The following CHRNB4 variants were observed in gnomAD, a reference collection of about 807,000 sequenced individuals.
CHRNB4 encodes neuronal acetylcholine receptor subunit beta-4.
CHRNB4 carries 23 observed loss-of-function variants against 40.4 expected under a neutral mutation model. The ratio of observed to expected loss-of-function variants is 0.57; its 90% CI spans 0.41 to 0.81. The LOEUF (loss-of-function observed/expected upper bound fraction) is 0.81, where lower values mean the gene tolerates loss of function less well. Among genes scored for constraint, CHRNB4 ranks in the 30% least tolerant of loss-of-function variants. The pLI is 0.00. For synonymous variants in CHRNB4, 285 were observed against 274.4 expected, an observed-to-expected ratio of 1.04 and a Z score of -0.38; for missense variants, 568 against 670.6, an observed-to-expected ratio of 0.85 and a Z score of 1.69.
At chr15:78,645,663 T>TAC (rs1424135584), upstream of CHRNB4, among the ~76,000 whole-genome samples, 1 of 152,074 alleles carries the variant, frequency 6.6e-6, no homozygotes, top group Non-Finnish European at 1.5e-5. Flanking sequence ...CTCACCCTCT[T>TAC]ACCTTGCTTC....
intron 1 of CHRNB4, among the ~76,000 whole-genome samples, chr15:78,639,171 G>T (rs1385513083): frequency 6.6e-6 from 1 of 152,196 alleles, no homozygotes; most frequent in Non-Finnish European, 1.5e-5. Flanking sequence ...ACTACAGAAA[G>T]TAACAGTTAA....
chr15:78,631,057 C>T lies in CHRNB4; in HGVS notation c.359+19G>A. The T allele has an allele frequency of 6.2e-7, 1 of 1,606,696 alleles. No homozygotes were observed. Among genetic ancestry groups the T allele is most frequent in the South Asian group, 1.1e-5 (1 of 90,878 alleles). On this transcript the variant is annotated intron_variant, in intron 4 of 5. Coordinates refer to ENST00000261751, the MANE Select transcript of CHRNB4 (RefSeq NM_000750.5). ...CCTGGCCTGGCTGTCACCAGGCCTC[C>T]ACCAACCCTGCCACTCACTTGTTGT...
At chr15:78,643,091 A>C (rs926411159), upstream of CHRNB4, among the ~76,000 whole-genome samples, 1 of 149,206 alleles carries the variant, frequency 6.7e-6, no homozygotes. Context: ...AAAACCAAAT[A>C]AATGTTAGCT....
intron 6 of CHRNB4, chr15:78,652,449 T>A (rs185128667): frequency 6.6e-6 from 1 of 152,470 alleles, no homozygotes; most frequent in Non-Finnish European, 1.5e-5. Flanking sequence ...TGAGGCCTTG[T>A]GGAGTGCAGC....
chr15:78,648,708 G>A (rs1228509665), intron 7 of CHRNB4, among the ~76,000 whole-genome samples: 4 of 146,592 alleles, frequency 2.7e-5, no homozygotes, highest in South Asian at 2.2e-4. Flanking sequence ...AGCCAAGATC[G>A]GCGCCACTGC....
At chr15:78,660,993 T>C (rs1023580222), upstream of CHRNB4, 3 of 480,468 alleles carry the variant, frequency 6.2e-6, no homozygotes, top group African/African-American at 7.7e-5. Context: ...CTTTCCTCTC[T>C]TTCTCTCTTC....
upstream of CHRNB4, among the ~76,000 whole-genome samples, chr15:78,643,113 T>C (rs998984229): frequency 2.0e-5 from 3 of 152,012 alleles, no homozygotes; most frequent in Non-Finnish European, 4.4e-5. Flanking sequence ...TTAACTTTTA[T>C]GAACATGGAT....
chr15:78,645,809 C>T (rs1485311287), upstream of CHRNB4, among the ~76,000 whole-genome samples: 2 of 151,980 alleles, frequency 1.3e-5, no homozygotes, highest in East Asian at 3.9e-4. Context: ...CCTGTAATCC[C>T]AGCACTTTGG....
chr15:78,642,448 C>A (rs2054088487), upstream of CHRNB4, among the ~76,000 whole-genome samples: 1 of 152,208 alleles, frequency 6.6e-6, no homozygotes, highest in Non-Finnish European at 1.5e-5. Flanking sequence ...CTTTGGAAAC[C>A]AAAGACAGTG....
rs2053626281 is a variant in CHRNB4 at position 78,625,262 on chromosome 15, C to T, written c.1368G>A (p.Met456Ile). The change falls in exon 6 of 6, where the codon ATG (methionine) becomes ATA (isoleucine). Residue 456 changes from methionine to isoleucine, a missense_variant. Physicochemically the swap from Met to Ile is conservative, Grantham distance 10. Around this residue, in one of 4 missense-constraint regions of CHRNB4, gnomAD observed 242 missense variants for 274.9 expected, o/e 0.88. Coordinates refer to ENST00000261751, the MANE Select transcript of CHRNB4 (RefSeq NM_000750.5). ...SVVEDWKYVA[M>I]VVDRLFLWVF... ...CCCACAGGAACAGCCGGTCCACCAC[C>T]ATAGCCACGTACTTCCAGTCCTCAA... is the stretch of plus-strand genomic sequence containing the variant. The T allele has an allele frequency of 6.4e-7, 1 of 1,553,492 alleles. No homozygotes were observed. The highest frequency in any genetic ancestry group is 1.4e-5 in the African/African-American group (1 of 72,846).
intron 1 of CHRNB4, 121 bp downstream of exon 1, chr15:78,640,958 G>T: frequency 8.6e-7 from 1 of 1,166,706 alleles, no homozygotes; most frequent in South Asian, 1.4e-5. Context: ...CATCTGGCCG[G>T]GACAATCTCG....
intron 6 of CHRNB4, among the ~76,000 whole-genome samples, chr15:78,650,237 G>A (rs2054161227): frequency 6.6e-6 from 1 of 152,232 alleles, no homozygotes; most frequent in Non-Finnish European, 1.5e-5. Flanking sequence ...GGTGAGCCTA[G>A]TTGGCTCCAC....
At chr15:78,653,345 A>G (rs1295309288) in intron 5 of CHRNB4, among the ~76,000 whole-genome samples, 1 of 152,140 alleles carries the variant, frequency 6.6e-6, no homozygotes, top group Non-Finnish European at 1.5e-5. Context: ...CTTCCTGCTA[A>G]TCAGAAGCAT....
intron 1 of CHRNB4, among the ~76,000 whole-genome samples, chr15:78,660,081 C>G (rs1010412854): frequency 1.3e-5 from 2 of 152,036 alleles, no homozygotes; most frequent in African/African-American, 2.4e-5. Context: ...TTGGTGTGCA[C>G]CTGTAATCCC....
rs528065159 is a variant in CHRNB4 at position 78,633,146 on chromosome 15, C to CT, written c.205-1815_205-1814insA. Among the ~76,000 whole-genome samples the CT allele has an allele frequency of 3.6e-3, 553 of 152,292 alleles. 5 individuals carry two copies. Among genetic ancestry groups the CT allele is most frequent in the African/African-American group, 0.013 (531 of 41,550 alleles). On this transcript the variant is annotated intron_variant, in intron 2 of 5. Coordinates refer to ENST00000261751, the MANE Select transcript of CHRNB4 (RefSeq NM_000750.5). ...ATAAGTCTTGTGTTCTCAGTCTGTA[C>CT]AATTTTGGTGCCTCTCCTTTATCAA... is the stretch of plus-strand genomic sequence containing the variant.
At position 78,638,620 on chromosome 15, in the gene CHRNB4, CG is replaced by C. The variant is rs531429007; in HGVS notation, c.55+2458del. 9.8e-5 allele frequency among the ~76,000 whole-genome samples: 7 copies of C among 71,130 alleles called. No individual in the cohort carries two copies. The South Asian group carries it at 2.1e-3, about 21-fold the overall frequency. 46.7% of individuals were successfully genotyped at this position (71,130 alleles called of 152,430 possible). ...GTGTTTGTACTTGTGAGTGTATGGCCGGGGGGCCGGGGGGGTGGTGCACTGA... is the reference window on the plus strand; with the variant it reads ...GTGTTTGTACTTGTGAGTGTATGGCCGGGGGCCGGGGGGGTGGTGCACTGA... On this transcript the variant is annotated intron_variant, in intron 1 of 5. Coordinates refer to ENST00000261751, the MANE Select transcript of CHRNB4 (RefSeq NM_000750.5).
In CHRNB4 at chr15:78,641,121, G is replaced by T. The variant is rs781453408; in HGVS notation, c.13C>A (p.Pro5Thr). 3.8e-6 allele frequency: 6 copies of T among 1,574,794 alleles called. No homozygotes were observed. In the East Asian group the frequency reaches 1.4e-4, roughly 37 times the overall value. The change falls in exon 1 of 6, where the codon CCT becomes ACT. Residue 5 changes from proline (P) to threonine (T), a missense_variant. Physicochemically the swap from Pro to Thr is conservative, Grantham distance 38. Around this residue, in one of 4 missense-constraint regions of CHRNB4, gnomAD observed 161 missense variants for 148.1 expected, o/e 1.09. Transcript: ENST00000261751. MRRA[P>T]SLVLFFLVAL... ...ACCAGGAAGAAAAGGACCAGGGAAG[G>T]CGCGCGCCTCATGGCCGGCGGGGCC...
intron 7 of CHRNB4, among the ~76,000 whole-genome samples, chr15:78,647,618 G>A (rs191989163): frequency 3.2e-4 from 48 of 150,588 alleles, no homozygotes; most frequent in African/African-American, 8.5e-4. Context: ...AGGCCAAGGC[G>A]GGCAGATCAC....
intron 7 of CHRNB4, among the ~76,000 whole-genome samples, chr15:78,646,681 T>C (rs2054125719): frequency 6.6e-6 from 1 of 152,210 alleles, no homozygotes; most frequent in South Asian, 2.1e-4. Flanking sequence ...TCTCTTCTTA[T>C]GAAGGTGGTG....
Sources: allele counts gnomAD v4.1 joint callset (sites outside exome capture counted in the v4.1 genomes callset), GRCh38; gene constraint gnomAD v4.1.1; regional missense constraint gnomAD v4.1.1; transcripts MANE v1.5; gene names NCBI Gene and HGNC (gene_info 2026-07-23, HGNC 2026-07-21).